The following MLPH variants were observed in gnomAD, a reference collection of about 807,000 sequenced individuals.
MLPH encodes the protein exophilin-3.
MLPH carries 51 observed loss-of-function variants against 72.1 expected under a neutral mutation model. That is an observed-to-expected ratio of 0.71 (90% confidence interval 0.56 to 0.89). The LOEUF is 0.89. Among genes scored for constraint, MLPH ranks in the 40% least tolerant of loss-of-function variants. The pLI, the probability that MLPH is intolerant of heterozygous loss-of-function variation, is 0.00. For synonymous variants in MLPH, 301 were observed against 310.1 expected, an observed-to-expected ratio of 0.97 and a Z score of 0.31; for missense variants, 743 against 759.9, an observed-to-expected ratio of 0.98 and a Z score of 0.26.
chr2:237,509,787 C>G (rs1488701281), intron 2 of MLPH, among the ~76,000 whole-genome samples: 1 of 152,170 alleles, frequency 6.6e-6, no homozygotes, highest in Non-Finnish European at 1.5e-5. Flanking sequence ...CTCCTCCACT[C>G]TCTTCACCTT....
intron 8 of MLPH, chr2:237,527,778 G>A: frequency 2.0e-6 from 1 of 506,918 alleles, no homozygotes. Flanking sequence ...CCACTTCTTG[G>A]TATACACCCC....
In MLPH at chr2:237,542,733, TG is replaced by T. The variant is rs1348893946; in HGVS notation, c.1539+79del. 4.1e-4 allele frequency: 228 copies of T among 555,890 alleles called. 3 individuals are homozygous for T. Among genetic ancestry groups the T allele is most frequent in the African/African-American group, 2.7e-3 (58 of 21,188 alleles). 34.4% of individuals were successfully genotyped at this position (555,890 alleles called of 1,614,324 possible). ...GTGGTGAGTGGCGGACAGTGGTGAGTGGGGGACAGTGGTGAGTGGAGGGACA... is the reference window on the plus strand; with the variant it reads ...GTGGTGAGTGGCGGACAGTGGTGAGTGGGGACAGTGGTGAGTGGAGGGACA... On this transcript the variant is annotated intron_variant, in intron 12 of 15. Transcript: ENST00000264605.
intron 9 of MLPH, among the ~76,000 whole-genome samples, chr2:237,535,551 G>A (rs1307226344): frequency 6.6e-6 from 1 of 152,146 alleles, no homozygotes; most frequent in African/African-American, 2.4e-5. Context: ...GGGGTGCAGA[G>A]GGAGTAGGGA....
chr2:237,551,787 G>A (rs905427903), intron 14 of MLPH, among the ~76,000 whole-genome samples: 7 of 152,042 alleles, frequency 4.6e-5, no homozygotes, highest in Middle Eastern at 3.4e-3. Flanking sequence ...AGACCAGCCT[G>A]GCCAACATGG....
chr2:237,493,805 AC>A (rs1168568121), intron 2 of MLPH, among the ~76,000 whole-genome samples: 2 of 152,184 alleles, frequency 1.3e-5, no homozygotes, highest in African/African-American at 4.8e-5. Flanking sequence ...GCCAGGTGAT[AC>A]TTAGGCCACA....
chr2:237,507,466 A>C (rs910623233), intron 2 of MLPH: 1 of 152,196 alleles, frequency 6.6e-6, no homozygotes, highest in African/African-American at 2.4e-5. Flanking sequence ...TCTCTCTTGC[A>C]CTTGAAGTGG....
At chr2:237,531,117 T>G (rs555261288) in intron 8 of MLPH, among the ~76,000 whole-genome samples, 1 of 152,286 alleles carries the variant, frequency 6.6e-6, no homozygotes, top group East Asian at 1.9e-4. Context: ...TCTTATACCC[T>G]GGGAAACTGG....
intron 9 of MLPH, among the ~76,000 whole-genome samples, chr2:237,537,161 G>A (rs551345109): frequency 4.3e-4 from 66 of 152,210 alleles, no homozygotes; most frequent in Non-Finnish European, 5.9e-4. Flanking sequence ...AAACAAGGAC[G>A]AGTTAGTCAC....
chr2:237,488,981 C>T (rs1364612941), intron 1 of MLPH, among the ~76,000 whole-genome samples: 8 of 152,146 alleles, frequency 5.3e-5, no homozygotes, highest in Non-Finnish European at 1.2e-4. Flanking sequence ...CACCATCACT[C>T]CCCCTCTTAA....
At chr2:237,534,743 T>A in intron 9 of MLPH, 96 bp downstream of exon 9, 1 of 1,055,682 alleles carries the variant, frequency 9.5e-7, no homozygotes, top group Non-Finnish European at 1.5e-6. Flanking sequence ...AAGAGTTTCT[T>A]GAGATTTTGC....
chr2:237,522,613 A>C lies in MLPH; in HGVS notation c.675+2584A>C, dbSNP rs957569236. 3.1e-4 allele frequency among the ~76,000 whole-genome samples: 46 copies of C among 149,386 alleles called. 2 individuals carry two copies. Among genetic ancestry groups the C allele is most frequent in the Non-Finnish European group, 8.9e-5 (6 of 67,332 alleles). ...ATAGTGCTGGAGTGGAGTAGAACTG[A>C]AACTGGGGTTGGGCCTTCAAACACC... is the stretch of plus-strand genomic sequence containing the variant. On this transcript the variant is annotated intron_variant, in intron 6 of 15. Transcript: ENST00000264605.
intron 8 of MLPH, among the ~76,000 whole-genome samples, chr2:237,528,042 T>A (rs1455125634): frequency 6.6e-6 from 1 of 152,186 alleles, no homozygotes; most frequent in Non-Finnish European, 1.5e-5. Flanking sequence ...GGACACATGC[T>A]ATATGGTTCC....
chr2:237,542,292 G>A (rs754948014), intron 11 of MLPH, among the ~76,000 whole-genome samples: 7 of 152,016 alleles, frequency 4.6e-5, no homozygotes, highest in Non-Finnish European at 8.8e-5. Flanking sequence ...CATGGGAGCC[G>A]GACTCCCTGA....
chr2:237,498,671 G>C (rs113097585), intron 2 of MLPH, among the ~76,000 whole-genome samples: 1 of 152,194 alleles, frequency 6.6e-6, no homozygotes, highest in Non-Finnish European at 1.5e-5. Context: ...AAGCCAGCAC[G>C]TCTTGATCTA....
At chr2:237,530,039 G>A (rs67317751) in intron 8 of MLPH, among the ~76,000 whole-genome samples, 16,601 of 152,272 alleles carry the variant, frequency 0.11, 1,075 homozygotes, top group South Asian at 0.22. Flanking sequence ...GGCAGGGCAC[G>A]CAGAAGCTGC....
intron 2 of MLPH, among the ~76,000 whole-genome samples, chr2:237,499,031 T>A (rs1471405225): frequency 6.6e-6 from 1 of 152,032 alleles, no homozygotes; most frequent in East Asian, 1.9e-4. Flanking sequence ...GCCTCCTCTT[T>A]TTCCCGCTGG....
chr2:237,547,400 G>A (rs1245767666), intron 13 of MLPH, among the ~76,000 whole-genome samples: 2 of 61,184 alleles, frequency 3.3e-5, no homozygotes, highest in Non-Finnish European at 6.2e-5. Context: ...CTGGGAGGGA[G>A]GAGCTCCCCG....
At chr2:237,498,384 G>A (rs749198753) in intron 2 of MLPH, among the ~76,000 whole-genome samples, 7 of 152,190 alleles carry the variant, frequency 4.6e-5, no homozygotes, top group South Asian at 4.1e-4. Flanking sequence ...TGACGCCTGC[G>A]CCTTTTCCCA....
rs1574894780 is a variant in MLPH, at chr2:237,540,797, C to T, written c.1291-5C>T. ...CTGGTCAGCCTCCGTCCTTCTCTTT[C>T]CTAGGTGGGCACGGCTGCCCATCAA... On this transcript the variant is annotated splice_region_variant and splice_polypyrimidine_tract_variant and intron_variant, in intron 10 of 15. Coordinates refer to ENST00000264605, the MANE Select transcript of MLPH (RefSeq NM_024101.7). 1.2e-6 allele frequency: 2 copies of T among 1,612,996 alleles called. No individual in the cohort carries two copies. Among genetic ancestry groups the T allele is most frequent in the East Asian group, 4.5e-5 (2 of 44,856 alleles).
Sources: gnomAD v4.1 joint callset for allele counts (sites outside exome capture counted in the v4.1 genomes callset) on GRCh38, gnomAD v4.1.1 for gene constraint, MANE v1.5 for transcripts, NCBI Gene and HGNC (gene_info 2026-07-23, HGNC 2026-07-21) for gene names.